KCNK2: variants seen among roughly 807,000 people sequenced by gnomAD.
The protein encoded by KCNK2 is potassium channel subfamily K member 2.
KCNK2 carries 21 observed loss-of-function variants against 40.5 expected under a neutral mutation model. That is an observed-to-expected ratio of 0.52 (90% CI 0.37 to 0.75). The LOEUF is 0.75. Ranked by LOEUF, KCNK2 falls within the 30% of genes least tolerant of loss-of-function variation. The pLI is 0.00. For missense variants in KCNK2, 399 were observed against 531.6 expected, an observed-to-expected ratio of 0.75 and a Z score of 2.45; for synonymous variants, 191 against 202.2, an observed-to-expected ratio of 0.94 and a Z score of 0.47.
intron 5 of KCNK2, among the ~76,000 whole-genome samples, chr1:215,189,616 T>G (rs2102658180): frequency 6.6e-6 from 1 of 152,322 alleles, no homozygotes; most frequent in African/African-American, 2.4e-5. Context: ...GACACCTTTT[T>G]TGGCATTCTG....
intron 1 of KCNK2, among the ~76,000 whole-genome samples, chr1:215,040,774 C>T (rs1657535867): frequency 6.6e-6 from 1 of 152,104 alleles, no homozygotes; most frequent in Non-Finnish European, 1.5e-5. Flanking sequence ...ACTTTCAATG[C>T]CCAGCAGCAT....
chr1:215,213,609 C>T (rs1665834374), intron 6 of KCNK2, among the ~76,000 whole-genome samples: 1 of 151,856 alleles, frequency 6.6e-6, no homozygotes, highest in Non-Finnish European at 1.5e-5. Flanking sequence ...AAAACTCTGT[C>T]TCAAAGAAAA....
At chr1:215,111,895 C>T (rs1435048182) in intron 2 of KCNK2, among the ~76,000 whole-genome samples, 2 of 151,430 alleles carry the variant, frequency 1.3e-5, no homozygotes, top group Non-Finnish European at 2.9e-5. Flanking sequence ...TACCTAATCA[C>T]CAATCAGCCC....
At chr1:215,122,265 A>G (rs1049321503) in intron 2 of KCNK2, among the ~76,000 whole-genome samples, 3 of 152,168 alleles carry the variant, frequency 2.0e-5, no homozygotes, top group Admixed American at 6.5e-5. Context: ...AACATTTAAC[A>G]TATGTGAAGT....
intron 3 of KCNK2, among the ~76,000 whole-genome samples, chr1:215,150,662 T>A (rs955504006): frequency 1.3e-5 from 2 of 152,110 alleles, no homozygotes; most frequent in Non-Finnish European, 2.9e-5. Context: ...ACATTTAAGA[T>A]AATGCTAAAA....
intron 1 of KCNK2, among the ~76,000 whole-genome samples, chr1:215,054,533 G>C (rs150053913): frequency 1.3e-5 from 2 of 152,134 alleles, no homozygotes; most frequent in Admixed American, 1.3e-4. Context: ...TCGATTCTCC[G>C]GTAGGCTGCA....
intron 1 of KCNK2, among the ~76,000 whole-genome samples, chr1:215,037,520 T>G (rs951443669): frequency 4.4e-4 from 67 of 152,112 alleles, no homozygotes; most frequent in Non-Finnish European, 1.8e-4. Flanking sequence ...AAGATTTCGA[T>G]AAGGGTTATC....
At chr1:215,042,619 T>C (rs546291269) in intron 1 of KCNK2, among the ~76,000 whole-genome samples, 1 of 152,294 alleles carries the variant, frequency 6.6e-6, no homozygotes, top group African/African-American at 2.4e-5. Flanking sequence ...GTTTTTACAA[T>C]CACATTTTAA....
intron 6 of KCNK2, among the ~76,000 whole-genome samples, chr1:215,222,885 T>C (rs544746518): frequency 2.6e-5 from 4 of 152,218 alleles, no homozygotes; most frequent in African/African-American, 9.6e-5. Context: ...ACCGCTGAAA[T>C]TGGAATGCAA....
At chr1:215,006,103 GT>G in intron 1 of KCNK2, 1 of 659,222 alleles carries the variant, frequency 1.5e-6, no homozygotes, top group Non-Finnish European at 2.6e-6. Flanking sequence ...CCAACAGAGG[GT>G]TAGTTGCTGG....
intron 1 of KCNK2, among the ~76,000 whole-genome samples, chr1:215,066,416 A>G (rs1178011921): frequency 6.6e-6 from 1 of 152,184 alleles, no homozygotes; most frequent in Non-Finnish European, 1.5e-5. Flanking sequence ...AACGTAACCA[A>G]AATCAATATG....
intron 6 of KCNK2, among the ~76,000 whole-genome samples, chr1:215,200,189 C>T (rs1665026258): frequency 1.3e-5 from 2 of 152,194 alleles, no homozygotes; most frequent in Admixed American, 6.5e-5. Context: ...GACTGGACAA[C>T]GCTAGTGCCA....
intron 2 of KCNK2, among the ~76,000 whole-genome samples, chr1:215,101,109 GT>G (rs1377125463): frequency 2.0e-5 from 3 of 152,008 alleles, no homozygotes; most frequent in African/African-American, 7.2e-5. Flanking sequence ...TATCCATTCT[GT>G]GTTTCTGTTT....
At chr1:215,109,621 A>G (rs1435370948) in intron 2 of KCNK2, among the ~76,000 whole-genome samples, 2 of 151,670 alleles carry the variant, frequency 1.3e-5, no homozygotes, top group Non-Finnish European at 2.9e-5. Flanking sequence ...TCATTCATCT[A>G]TTGTTGGGCA....
intron 2 of KCNK2, among the ~76,000 whole-genome samples, chr1:215,109,522 C>A (rs1267020647): frequency 6.6e-6 from 1 of 151,888 alleles, no homozygotes; most frequent in South Asian, 2.1e-4. Context: ...ATCCGTGTTG[C>A]TACAAGTGAC....
intron 6 of KCNK2, among the ~76,000 whole-genome samples, chr1:215,222,166 C>T (rs12409910): frequency 0.19 from 29,396 of 152,076 alleles, 3,445 homozygotes; most frequent in South Asian, 0.53. Context: ...CAAACATCTC[C>T]CCCCAGTCCC....
chr1:215,218,925 A>G (rs1396142977), intron 6 of KCNK2, among the ~76,000 whole-genome samples: 1 of 152,270 alleles, frequency 6.6e-6, no homozygotes, highest in African/African-American at 2.4e-5. Flanking sequence ...AAATATTTTA[A>G]TCATACTTAT....
intron 2 of KCNK2, among the ~76,000 whole-genome samples, chr1:215,122,012 TGAGAATTGCTGGTGCA>T (rs1418720115): frequency 6.6e-6 from 1 of 152,182 alleles, no homozygotes. Flanking sequence ...ATAAAAATTT[TGAGAATTGCTGGTGCA>T]GAGGATTGGC....
intron 6 of KCNK2, among the ~76,000 whole-genome samples, chr1:215,229,529 G>A (rs1666530445): frequency 6.6e-6 from 1 of 151,768 alleles, no homozygotes; most frequent in African/African-American, 2.4e-5. Context: ...GCTGGGCATG[G>A]GAGCATGCAC....
Sources: gnomAD v4.1 joint callset for allele counts (sites outside exome capture counted in the v4.1 genomes callset) on GRCh38, gnomAD v4.1.1 for gene constraint, MANE v1.5 for transcripts, NCBI Gene and HGNC (gene_info 2026-07-23, HGNC 2026-07-21) for gene names.